The following ZNF488 variants were observed in gnomAD, a reference collection of about 807,000 sequenced individuals.
The protein encoded by ZNF488 is zinc finger protein 488.
Under a neutral mutation model 1.2 loss-of-function variants are expected in ZNF488, and 1 was observed. The ratio of observed to expected loss-of-function variants is 0.86; its 90% CI spans 0.30 to 4.07. The LOEUF is 4.07. ZNF488 is among the 30% of genes most tolerant of loss of function. The pLI is 0.18. For missense variants in ZNF488, 450 were observed against 437.9 expected, an observed-to-expected ratio of 1.03 and a Z score of -0.25; for synonymous variants, 185 against 190.1, an observed-to-expected ratio of 0.97 and a Z score of 0.22.
intron 1 of ZNF488, among the ~76,000 whole-genome samples, chr10:47,381,233 CCCACCCG>C (rs1442951208): frequency 5.5e-3 from 841 of 151,872 alleles, no homozygotes; most frequent in African/African-American, 0.02. Flanking sequence ...ACCATGTACC[CCCACCCG>C]CTCCCCCCAA....
In ZNF488 at chr10:47,368,063, G is replaced by C; in HGVS notation, c.767C>G (p.Thr256Ser). ...AQVPPPSSSS[T>S]TSWALLPPTL... The stretch of plus-strand genomic sequence containing the variant: ...GGGTGGCAGGAGGGCCCACGAAGTG[G>C]TGGAGGATGATGAGGGTGGGGGCAC... The change falls in exon 2 of 2, where the codon ACC becomes AGC. Residue 256 changes from threonine (T) to serine (S), a missense_variant. Thr to Ser is a moderately conservative substitution (Grantham distance 58, BLOSUM62 1). Transcript: ENST00000585316. The C allele has an allele frequency of 6.2e-7, 1 of 1,614,166 alleles. No individual in the cohort carries two copies. The highest frequency in any genetic ancestry group is 8.5e-7 in the Non-Finnish European group (1 of 1,180,014).
intron 1 of ZNF488, among the ~76,000 whole-genome samples, chr10:47,380,070 T>C (rs531639543): frequency 1.3e-5 from 2 of 151,590 alleles, no homozygotes; most frequent in African/African-American, 4.8e-5. Flanking sequence ...GCCCTTGTTC[T>C]CCTTGCTCCG....
intron 1 of ZNF488, among the ~76,000 whole-genome samples, chr10:47,379,741 G>A (rs1837842586): frequency 6.6e-6 from 1 of 152,250 alleles, no homozygotes; most frequent in Admixed American, 6.5e-5. Context: ...TCTTAGTCTA[G>A]GATCTTTCCC....
At position 47,367,736 on chromosome 10, in the gene ZNF488, C is replaced by T. The variant is rs559146181; in HGVS notation, c.*71G>A. On this transcript the variant is annotated 3_prime_UTR_variant, in exon 2 of 2. Transcript: ENST00000585316. The stretch of plus-strand genomic sequence containing the variant: ...CAAAGGACCATGACAGCCCCCTCAA[C>T]GCAGGCCCAGGGAGCCCCCCTCTGC... The T allele has an allele frequency of 2.8e-4, 432 of 1,523,396 alleles. 2 individuals are homozygous for T. The highest frequency in any genetic ancestry group is 2.6e-4 in the Non-Finnish European group (295 of 1,131,420). The allele number at this position is 1,523,396 out of a possible 1,614,324, so 94.4% of individuals were successfully genotyped here.
In ZNF488 at chr10:47,368,130, G is replaced by C; in HGVS notation, c.700C>G (p.Leu234Val). The stretch of plus-strand genomic sequence containing the variant: ...TCCAGCCACAGTGTAGGGGCACCCA[G>C]AAAAGTGCTACAGAGTGGAGCATTC... ...PQNAPLCSTF[L>V]GAPTLWLEHT... The change falls in exon 2 of 2, where the codon CTG (leucine) becomes GTG (valine). Residue 234 changes from leucine to valine, a missense_variant. By Grantham distance (32) the Leu-to-Val change is conservative. Transcript: ENST00000585316. 1 of 1,614,206 alleles carries C rather than the reference G, an allele frequency of 6.2e-7. No homozygotes were observed. The highest frequency in any genetic ancestry group is 1.3e-5 in the African/African-American group (1 of 75,052).
In ZNF488 at chr10:47,368,671, C is replaced by T. The variant is rs782635034; in HGVS notation, c.159G>A (p.Thr53=). The T allele has an allele frequency of 4.5e-5, 73 of 1,612,206 alleles. No homozygotes were observed. Among genetic ancestry groups the T allele is most frequent in the Non-Finnish European group, 5.3e-5 (63 of 1,180,010 alleles). The change falls in exon 2 of 2, where the codon ACG becomes ACA. Residue 53 remains threonine, a synonymous_variant. Coordinates refer to ENST00000585316, the MANE Select transcript of ZNF488 (RefSeq NM_153034.4). ...RGCKPVLLEK[T]NRLGPEAAVG... ...CAGCAGCCTCAGGGCCCAGGCGGTTCGTCTTCTCGAGCAGCACTGGCTTGC... is the reference window on the plus strand; with the variant it reads ...CAGCAGCCTCAGGGCCCAGGCGGTTTGTCTTCTCGAGCAGCACTGGCTTGC...
intron 1 of ZNF488, among the ~76,000 whole-genome samples, chr10:47,372,468 G>A (rs952794232): frequency 9.4e-5 from 13 of 138,638 alleles, no homozygotes; most frequent in Admixed American, 3.9e-4. Context: ...GTAACATGTC[G>A]CAAGGTCTTT....
chr10:47,371,096 A>G (rs938073003), intron 1 of ZNF488, among the ~76,000 whole-genome samples: 2 of 152,206 alleles, frequency 1.3e-5, no homozygotes, highest in Non-Finnish European at 2.9e-5. Flanking sequence ...GGGACTGCCC[A>G]GGGTTCACAA....
At chr10:47,383,354 T>C (rs995426702) in intron 1 of ZNF488, among the ~76,000 whole-genome samples, 7 of 152,224 alleles carry the variant, frequency 4.6e-5, no homozygotes, top group Non-Finnish European at 1.0e-4. Context: ...CTCCCTCAAA[T>C]GTTTCAAAGC....
chr10:47,381,969 A>T (rs1555215535), intron 1 of ZNF488, among the ~76,000 whole-genome samples: 6,573 of 94,442 alleles, frequency 0.07, no homozygotes, highest in Middle Eastern at 0.095. Context: ...TATATTTGCC[A>T]GGGCTGCAGC....
chr10:47,377,542 A>C (rs1269573326), intron 1 of ZNF488, among the ~76,000 whole-genome samples: 1 of 150,614 alleles, frequency 6.6e-6, no homozygotes, highest in Non-Finnish European at 1.5e-5. Context: ...ATAACAATCA[A>C]ACACAGACAC....
intron 1 of ZNF488, among the ~76,000 whole-genome samples, chr10:47,376,358 GA>G (rs200822854): frequency 0.038 from 5,848 of 152,278 alleles, 164 homozygotes; most frequent in Non-Finnish European, 0.059. Flanking sequence ...CAATCGTGAG[GA>G]AAAGACTGAG....
chr10:47,368,590 T>C lies in ZNF488; in HGVS notation c.240A>G (p.Pro80=). 1 of 1,610,734 alleles carries C rather than the reference T, an allele frequency of 6.2e-7. No homozygotes were observed. The highest frequency in any genetic ancestry group is 1.1e-5 in the South Asian group (1 of 91,062). Residue 80 remains proline (P), a synonymous_variant, in exon 2 of 2, where the codon CCA becomes CCG. Coordinates refer to ENST00000585316, the MANE Select transcript of ZNF488 (RefSeq NM_153034.4). ...GCGGCTTGCCAGGTCGGGGCTTGCC[T>C]GGGGCTACCAACAGTGCCAGCTCCG... The part of the protein sequence containing the change: ...GSAELALLVA[P]GKPRPGKPLP...
chr10:47,371,258 C>A (rs1261463636), intron 1 of ZNF488, among the ~76,000 whole-genome samples: 1 of 151,968 alleles, frequency 6.6e-6, no homozygotes, highest in South Asian at 2.1e-4. Flanking sequence ...ATAAATGATT[C>A]ATTTTTTAAG....
In ZNF488 at chr10:47,368,538, T is replaced by C. The variant is rs1555213289; in HGVS notation, c.292A>G (p.Arg98Gly). The change falls in exon 2 of 2, where the codon AGG (arginine) becomes GGG (glycine). Residue 98 changes from arginine to glycine, a missense_variant. Physicochemically the swap from Arg to Gly is moderately radical, Grantham distance 125 (BLOSUM62 -2). Coordinates refer to ENST00000585316, the MANE Select transcript of ZNF488 (RefSeq NM_153034.4). ...PLPPKTRGEQ[R>G]QSAFTELPRM... ...GGCAGCTCCGTGAAGGCGCTCTGCCTCTGCTCTCCACGTGTCTTCGGGGGC... is the reference window on the plus strand; with the variant it reads ...GGCAGCTCCGTGAAGGCGCTCTGCCCCTGCTCTCCACGTGTCTTCGGGGGC... The C allele has an allele frequency of 1.2e-6, 2 of 1,613,564 alleles. No individual in the cohort carries two copies. Among genetic ancestry groups the C allele is most frequent in the Non-Finnish European group, 1.7e-6 (2 of 1,179,966 alleles).
chr10:47,376,502 A>C (rs905468293), intron 1 of ZNF488, among the ~76,000 whole-genome samples: 1 of 152,184 alleles, frequency 6.6e-6, no homozygotes, highest in Non-Finnish European at 1.5e-5. Flanking sequence ...AGAGAGTTAG[A>C]GTGGGAGCCA....
intron 1 of ZNF488, among the ~76,000 whole-genome samples, chr10:47,382,212 C>A (rs1217432734): frequency 6.6e-5 from 10 of 152,272 alleles, no homozygotes; most frequent in African/African-American, 2.2e-4. Flanking sequence ...AACAGCAGCT[C>A]TTTTCCTGAT....
intron 1 of ZNF488, among the ~76,000 whole-genome samples, chr10:47,374,840 G>A (rs1164261243): frequency 2.0e-5 from 3 of 152,300 alleles, no homozygotes; most frequent in Non-Finnish European, 2.9e-5. Flanking sequence ...CTGCACATCC[G>A]GGGCTGGGTG....
chr10:47,376,480 G>A lies in ZNF488; in HGVS notation c.-108-7543C>T, dbSNP rs946918940. Among the ~76,000 whole-genome samples the A allele has an allele frequency of 1.1e-4, 17 of 152,308 alleles. 1 individual carries two copies. In the South Asian group the frequency reaches 1.2e-3, roughly 11 times the overall value. ...TTCAACCCTGCCGAGGGAGGTATGGGAGAATAAGGAGAGAGAGTTAGAGTG... is the reference window on the plus strand; with the variant it reads ...TTCAACCCTGCCGAGGGAGGTATGGAAGAATAAGGAGAGAGAGTTAGAGTG... On this transcript the variant is annotated intron_variant, in intron 1 of 1. Transcript: ENST00000585316.
Sources: gnomAD v4.1 joint callset for allele counts (sites outside exome capture counted in the v4.1 genomes callset) on GRCh38, gnomAD v4.1.1 for gene constraint, MANE v1.5 for transcripts, NCBI Gene and HGNC (gene_info 2026-07-23, HGNC 2026-07-21) for gene names.